The following ITFG1 variants were observed in gnomAD, a reference collection of about 807,000 sequenced individuals.
ITFG1 encodes integrin alpha FG-GAP repeat containing 1.
In ITFG1, 34 loss-of-function variants were observed where a neutral mutation model predicts 81.8. That is an observed-to-expected ratio of 0.42 (90% CI 0.32 to 0.55). The LOEUF is 0.55. ITFG1 is among the 20% of genes least tolerant of loss of function. The pLI, the probability that ITFG1 is intolerant of heterozygous loss-of-function variation, is 0.17. For synonymous variants in ITFG1, 285 were observed against 270.6 expected (o/e 1.05, Z -0.52); for missense variants, 672 against 755.4 (o/e 0.89, Z 1.29).
chr16:47,396,232 TG>T, intron 6 of ITFG1: 2 of 890,334 alleles, frequency 2.2e-6, no homozygotes, highest in South Asian at 1.0e-4. Flanking sequence ...AATGCCAAAA[TG>T]GAGTAGGTAC....
At chr16:47,187,920 A>C (rs1965242620) in intron 14 of ITFG1, among the ~76,000 whole-genome samples, 1 of 151,968 alleles carries the variant, frequency 6.6e-6, no homozygotes, top group African/African-American at 2.4e-5. Context: ...TTACAAGAAA[A>C]AAACAAACAA....
intron 8 of ITFG1, among the ~76,000 whole-genome samples, chr16:47,328,824 C>T (rs556992507): frequency 5.9e-5 from 9 of 152,246 alleles, no homozygotes; most frequent in African/African-American, 2.2e-4. Flanking sequence ...CCTATTATGA[C>T]AAACTACTAG....
At chr16:47,255,902 C>T (rs1384964667) in intron 12 of ITFG1, among the ~76,000 whole-genome samples, 2 of 152,064 alleles carry the variant, frequency 1.3e-5, no homozygotes, top group Non-Finnish European at 2.9e-5. Flanking sequence ...TAAATGAAGA[C>T]TAAAAATACG....
chr16:47,278,854 C>A (rs1596856870), intron 10 of ITFG1, among the ~76,000 whole-genome samples: 1 of 152,052 alleles, frequency 6.6e-6, no homozygotes, highest in Admixed American at 6.6e-5. Context: ...CAGCTATGTA[C>A]AATTTATGAT....
intron 2 of ITFG1, among the ~76,000 whole-genome samples, chr16:47,457,301 ACT>A (rs1309033070): frequency 6.6e-6 from 1 of 150,698 alleles, no homozygotes; most frequent in Non-Finnish European, 1.5e-5. Context: ...ACAGAGTGAG[ACT>A]CTGTCTCAAG....
intron 8 of ITFG1, among the ~76,000 whole-genome samples, chr16:47,335,635 C>T (rs1168446106): frequency 6.6e-6 from 1 of 152,094 alleles, no homozygotes; most frequent in East Asian, 1.9e-4. Flanking sequence ...AGATGTTCAG[C>T]ATCATTAGTC....
chr16:47,383,503 C>T (rs1490782615), intron 6 of ITFG1, among the ~76,000 whole-genome samples: 2 of 152,206 alleles, frequency 1.3e-5, no homozygotes, highest in East Asian at 3.8e-4. Context: ...AAAGATGTTA[C>T]ACTTTCTAGT....
chr16:47,184,121 G>C (rs1567417002), intron 14 of ITFG1, among the ~76,000 whole-genome samples: 1 of 152,296 alleles, frequency 6.6e-6, no homozygotes, highest in African/African-American at 2.4e-5. Context: ...AGAAATATGG[G>C]AATATGTGAA....
intron 10 of ITFG1, among the ~76,000 whole-genome samples, chr16:47,290,808 G>T (rs567420939): frequency 3.3e-5 from 5 of 152,112 alleles, no homozygotes; most frequent in African/African-American, 4.8e-5. Context: ...TACATTCAAG[G>T]TTATTACTGA....
intron 5 of ITFG1, among the ~76,000 whole-genome samples, chr16:47,441,929 C>T (rs1969257171): frequency 1.3e-5 from 2 of 152,168 alleles, no homozygotes; most frequent in South Asian, 4.1e-4. Context: ...ATCTAGAAAA[C>T]CCCATCGTCT....
chr16:47,190,043 TA>T (rs201761716), intron 14 of ITFG1, among the ~76,000 whole-genome samples: 26 of 149,848 alleles, frequency 1.7e-4, no homozygotes, highest in African/African-American at 2.9e-4. Context: ...TCCTCTGGAT[TA>T]AAAAAAAAAT....
At chr16:47,349,344 A>G (rs1435114566) in intron 8 of ITFG1, among the ~76,000 whole-genome samples, 1 of 152,228 alleles carries the variant, frequency 6.6e-6, no homozygotes, top group Admixed American at 6.5e-5. Flanking sequence ...ACATAGGCTC[A>G]AAATAAAGGG....
intron 12 of ITFG1, among the ~76,000 whole-genome samples, chr16:47,248,618 C>T (rs1966029849): frequency 6.6e-6 from 1 of 151,940 alleles, no homozygotes; most frequent in Admixed American, 6.6e-5. Context: ...TGTAATTTCC[C>T]CAGTGATATC....
chr16:47,435,877 A>G (rs554848945), intron 5 of ITFG1, among the ~76,000 whole-genome samples: 41 of 152,322 alleles, frequency 2.7e-4, no homozygotes, highest in Non-Finnish European at 3.4e-4. Flanking sequence ...AAATAGCTGC[A>G]AAATAGGTAA....
intron 10 of ITFG1, among the ~76,000 whole-genome samples, chr16:47,275,023 T>C (rs1043912181): frequency 2.0e-5 from 3 of 152,208 alleles, no homozygotes; most frequent in Non-Finnish European, 2.9e-5. Flanking sequence ...CTAAGACTTA[T>C]GAACAATAGA....
chr16:47,411,765 C>T (rs866854044), intron 6 of ITFG1, among the ~76,000 whole-genome samples: 18 of 152,110 alleles, frequency 1.2e-4, no homozygotes, highest in African/African-American at 4.3e-4. Context: ...TCCCATACGG[C>T]CTGGGAACAG....
At chr16:47,323,661 C>A (rs1967483720) in intron 8 of ITFG1, among the ~76,000 whole-genome samples, 1 of 151,884 alleles carries the variant, frequency 6.6e-6, no homozygotes, top group Non-Finnish European at 1.5e-5. Context: ...CAGTCATGAC[C>A]TATTCTTTTT....
chr16:47,380,537 G>A (rs531640217), intron 6 of ITFG1, among the ~76,000 whole-genome samples: 6 of 152,314 alleles, frequency 3.9e-5, no homozygotes, highest in East Asian at 1.9e-4. Context: ...TAGTGGACAC[G>A]TACTGGCAGG....
intron 14 of ITFG1, among the ~76,000 whole-genome samples, chr16:47,181,703 T>C (rs1224782916): frequency 4.6e-5 from 7 of 152,154 alleles, no homozygotes; most frequent in Admixed American, 1.3e-4. Flanking sequence ...TCATTGAGAA[T>C]GGGCCATGAT....
Sources: gnomAD v4.1 joint callset for allele counts (sites outside exome capture counted in the v4.1 genomes callset) on GRCh38, gnomAD v4.1.1 for gene constraint, MANE v1.5 for transcripts, NCBI Gene and HGNC (gene_info 2026-07-23, HGNC 2026-07-21) for gene names.